PLB1: variants seen among roughly 807,000 people sequenced by gnomAD.
PLB1 encodes phospholipase B1, membrane-associated.
A neutral mutation model predicts 227.4 loss-of-function variants in PLB1; 242 were observed. That is an observed-to-expected ratio of 1.06 (90% CI 0.96 to 1.18). The LOEUF (loss-of-function observed/expected upper bound fraction) is 1.18. Ranked by LOEUF, PLB1 falls within the 50% of genes most tolerant of loss-of-function variation. The pLI, the probability that PLB1 is intolerant of heterozygous loss-of-function variation, is 0.00. For synonymous variants in PLB1, 757 were observed against 682.2 expected, an observed-to-expected ratio of 1.11 and a Z score of -1.71; for missense variants, 1,858 against 1,816.3, an observed-to-expected ratio of 1.02 and a Z score of -0.42.
intron 24 of PLB1, 126 bp downstream of exon 24, chr2:28,582,259 A>AGG: frequency 8.2e-7 from 1 of 1,226,344 alleles, no homozygotes; most frequent in South Asian, 1.3e-5. Context: ...AAATGCATAG[A>AGG]GGGGGAGCAG....
intron 33 of PLB1, 125 bp from the exon 34 acceptor site, chr2:28,597,880 C>T: frequency 1.1e-6 from 1 of 885,708 alleles, no homozygotes; most frequent in Non-Finnish European, 1.9e-6. Context: ...AGAGATGGGT[C>T]TGGCCCATCT....
intron 1 of PLB1, among the ~76,000 whole-genome samples, chr2:28,503,529 A>G (rs767404437): frequency 3.3e-5 from 5 of 152,320 alleles, no homozygotes; most frequent in African/African-American, 7.2e-5. Context: ...TACAGTAGCA[A>G]CCACTTCATT....
intron 1 of PLB1, among the ~76,000 whole-genome samples, chr2:28,507,352 T>C (rs1674232293): frequency 6.6e-6 from 1 of 152,098 alleles, no homozygotes; most frequent in African/African-American, 2.4e-5. Context: ...AAGTACAAGA[T>C]TGAGGGGCTG....
At chr2:28,598,083 G>C in intron 34 of PLB1, 35 bp downstream of exon 34, 1 of 1,585,876 alleles carries the variant, frequency 6.3e-7, no homozygotes, top group Admixed American at 1.7e-5. Context: ...TCTGTCTACT[G>C]TTCCACCCAT....
chr2:28,614,078 C>T lies in PLB1; in HGVS notation c.3177C>T (p.Pro1059=). The T allele has an allele frequency of 6.2e-7, 1 of 1,613,156 alleles. No homozygotes were observed. Among genetic ancestry groups the T allele is most frequent in the Non-Finnish European group, 8.5e-7 (1 of 1,179,174 alleles). The part of the protein sequence containing the change: ...RTPRNSNYTY[P]IKPAIENWGS... ...CTCGGAATAGTAACTACACGTACCC[C>T]ATCAAGCCAGCCATTGAGGTAACCC... The change falls in exon 44 of 58, where the codon CCC becomes CCT. Residue 1059 remains proline (P), a synonymous_variant. Coordinates refer to ENST00000327757, the MANE Select transcript of PLB1 (RefSeq NM_153021.5).
intron 7 of PLB1, 47 bp downstream of exon 7, chr2:28,529,454 T>A: frequency 6.9e-7 from 1 of 1,439,308 alleles, no homozygotes; most frequent in South Asian, 1.1e-5. Context: ...TTCCTACTGG[T>A]CTTCAACATA....
chr2:28,603,328 A>AGG (rs1019319539), intron 39 of PLB1, among the ~76,000 whole-genome samples: 3 of 152,244 alleles, frequency 2.0e-5, no homozygotes, highest in Admixed American at 2.0e-4. Flanking sequence ...GGAGGGACAC[A>AGG]GGGAGCTTCA....
chr2:28,621,459 A>G (rs1687046197), intron 49 of PLB1, among the ~76,000 whole-genome samples: 1 of 152,152 alleles, frequency 6.6e-6, no homozygotes, highest in Non-Finnish European at 1.5e-5. Context: ...GCTCTGAAAA[A>G]GCTATATTCT....
At chr2:28,580,713 CAA>C (rs35119977) in intron 23 of PLB1, among the ~76,000 whole-genome samples, 34 of 137,824 alleles carry the variant, frequency 2.5e-4, no homozygotes, top group Non-Finnish European at 2.7e-4. Context: ...GACTCCATCT[CAA>C]AAAAAAAAAA....
At chr2:28,630,477 C>G (rs1688451925) in intron 53 of PLB1, 109 bp from the exon 54 acceptor site, 2 of 851,554 alleles carry the variant, frequency 2.3e-6, no homozygotes, top group Non-Finnish European at 3.7e-6. Context: ...GCAGCACAGG[C>G]TGCAGGCCCC....
chr2:28,521,297 G>T (rs115101556), intron 4 of PLB1, among the ~76,000 whole-genome samples: 3 of 152,228 alleles, frequency 2.0e-5, no homozygotes, highest in African/African-American at 4.8e-5. Flanking sequence ...ACACCCAGAC[G>T]TGGGATTGCT....
At chr2:28,613,659 A>G (rs78543383) in intron 43 of PLB1, among the ~76,000 whole-genome samples, 7,235 of 152,320 alleles carry the variant, frequency 0.047, 558 homozygotes, top group African/African-American at 0.16. Context: ...ATTGATAATC[A>G]TAACACTTTC....
chr2:28,535,049 C>G (rs1186691690), intron 9 of PLB1, among the ~76,000 whole-genome samples: 1 of 152,180 alleles, frequency 6.6e-6, no homozygotes, highest in Non-Finnish European at 1.5e-5. Flanking sequence ...CTTCCCAACA[C>G]TTGTTCTCAG....
chr2:28,526,947 G>A (rs190115753), intron 6 of PLB1, among the ~76,000 whole-genome samples: 2 of 152,282 alleles, frequency 1.3e-5, no homozygotes, highest in East Asian at 3.9e-4. Flanking sequence ...GTGAGAGGAT[G>A]TTGGTGGCCA....
At chr2:28,626,657 C>G in intron 51 of PLB1, 149 bp downstream of exon 51, 1 of 715,562 alleles carries the variant, frequency 1.4e-6, no homozygotes, top group East Asian at 2.7e-5. Flanking sequence ...CTGGTTTACA[C>G]ATGCCAGGCA....
intron 14 of PLB1, among the ~76,000 whole-genome samples, chr2:28,544,834 C>A (rs1472553027): frequency 6.6e-6 from 1 of 152,040 alleles, no homozygotes; most frequent in Non-Finnish European, 1.5e-5. Context: ...CAGGAAGAGG[C>A]CTGTCTGATA....
In PLB1 at chr2:28,540,421, G is replaced by A; in HGVS notation, c.754G>A (p.Val252Met). The stretch of plus-strand genomic sequence containing the variant: ...GGAGACCACCCGGCTGGCCAAGGTG[G>A]TGATGCAGTGGTCTTATCAGGTGAG... ...SEETTRLAKVVMQWSYQEAWN... is the reference protein window; with the variant it reads ...SEETTRLAKVMMQWSYQEAWN... The change falls in exon 12 of 58, where the codon GTG (valine) becomes ATG (methionine). Residue 252 changes from valine (V) to methionine (M), a missense_variant. Coordinates refer to ENST00000327757, the MANE Select transcript of PLB1 (RefSeq NM_153021.5). 1 of 1,614,048 alleles carries A rather than the reference G, an allele frequency of 6.2e-7. No individual in the cohort carries two copies. Among genetic ancestry groups the A allele is most frequent in the South Asian group, 1.1e-5 (1 of 91,066 alleles).
At chr2:28,639,440 G>T (rs1374021155) in intron 56 of PLB1, among the ~76,000 whole-genome samples, 1 of 152,244 alleles carries the variant, frequency 6.6e-6, no homozygotes, top group Non-Finnish European at 1.5e-5. Flanking sequence ...GGAGCGAGCA[G>T]CAGAGAGAAG....
chr2:28,515,559 A>G (rs1285478077), intron 1 of PLB1, among the ~76,000 whole-genome samples: 1 of 152,236 alleles, frequency 6.6e-6, no homozygotes, highest in East Asian at 1.9e-4. Context: ...TGTGGAAATC[A>G]GTGCCTGATC....
Sources: allele counts gnomAD v4.1 joint callset (sites outside exome capture counted in the v4.1 genomes callset), GRCh38; gene constraint gnomAD v4.1.1; transcripts MANE v1.5; gene names NCBI Gene and HGNC (gene_info 2026-07-23, HGNC 2026-07-21).